The following ATP11A variants were observed in gnomAD, a reference collection of about 807,000 sequenced individuals.
The protein encoded by ATP11A is ATPase phospholipid transporting 11A, also known as phospholipid-transporting ATPase IH.
Under a neutral mutation model 154.4 loss-of-function variants are expected in ATP11A, and 81 were observed. The ratio of observed to expected loss-of-function variants is 0.52; its 90% CI spans 0.44 to 0.63. The LOEUF (loss-of-function observed/expected upper bound fraction) is 0.63, where lower values mean the gene tolerates loss of function less well. Among genes scored for constraint, ATP11A ranks in the 30% least tolerant of loss-of-function variants. The probability of loss-of-function intolerance (pLI) is 0.00; values close to 1 mark genes in which losing one functional copy is unlikely to be tolerated. For missense variants in ATP11A, 1,316 were observed against 1,474.3 expected, an observed-to-expected ratio of 0.89 and a Z score of 1.76; for synonymous variants, 623 against 585.9, an observed-to-expected ratio of 1.06 and a Z score of -0.91.
chr13:112,741,442 G>A (rs1891533849), intron 1 of ATP11A, among the ~76,000 whole-genome samples: 2 of 152,206 alleles, frequency 1.3e-5, no homozygotes, highest in Admixed American at 6.5e-5. Context: ...GGGCTGTGGG[G>A]CAGATGAACT....
intron 1 of ATP11A, among the ~76,000 whole-genome samples, chr13:112,711,108 A>AC (rs1311454614): frequency 2.0e-5 from 3 of 151,928 alleles, no homozygotes; most frequent in African/African-American, 4.8e-5. Context: ...ATCCCAGGGG[A>AC]CCCGTCCTGC....
At chr13:112,792,471 T>A (rs1427239872) in intron 2 of ATP11A, among the ~76,000 whole-genome samples, 1 of 152,240 alleles carries the variant, frequency 6.6e-6, no homozygotes, top group South Asian at 2.1e-4. Flanking sequence ...GTTAAGACTT[T>A]TTAAGTGCCA....
chr13:112,701,626 ATC>A (rs1886550327), intron 1 of ATP11A, among the ~76,000 whole-genome samples: 1 of 151,814 alleles, frequency 6.6e-6, no homozygotes, highest in African/African-American at 2.4e-5. Flanking sequence ...AGGTCGGGAG[ATC>A]GAGACCATCC....
At chr13:112,868,075 A>C (rs974402596) in intron 25 of ATP11A, among the ~76,000 whole-genome samples, 24 of 152,284 alleles carry the variant, frequency 1.6e-4, no homozygotes, top group African/African-American at 5.3e-4. Flanking sequence ...CGTAAGCCAT[A>C]GTAACTTCTC....
intron 12 of ATP11A, among the ~76,000 whole-genome samples, chr13:112,830,059 G>A (rs2079045340): frequency 6.6e-6 from 1 of 152,220 alleles, no homozygotes; most frequent in Admixed American, 6.5e-5. Flanking sequence ...TAATAACACA[G>A]TTGATGTGTT....
intron 14 of ATP11A, among the ~76,000 whole-genome samples, chr13:112,833,989 G>T (rs1332704672): frequency 1.3e-5 from 2 of 152,202 alleles, no homozygotes; most frequent in African/African-American, 2.4e-5. Flanking sequence ...CTGTCTCCCG[G>T]GTCCTCTGCT....
rs183144462 is a variant in ATP11A at position 112,772,879 on chromosome 13, C to T, written c.40-12256C>T. ...CTAGAGAAATTCCGCCTTGTCTTTT[C>T]TATTTTTGAGTTTGAATCATTCTGT... On this transcript the variant is annotated intron_variant, in intron 1 of 29. Transcript: ENST00000375645. Among the ~76,000 whole-genome samples the T allele has an allele frequency of 3.8e-3, 573 of 152,352 alleles. 3 individuals are homozygous for T. The highest frequency in any genetic ancestry group is 0.013 in the African/African-American group (542 of 41,592).
At chr13:112,830,584 TAAATAA>T (rs1255100501) in intron 12 of ATP11A, among the ~76,000 whole-genome samples, 3 of 152,082 alleles carry the variant, frequency 2.0e-5, no homozygotes, top group Non-Finnish European at 2.9e-5. Context: ...TCAAAAAAAA[TAAATAA>T]AAATAAAAAT....
chr13:112,797,747 A>G (rs1445823976), intron 2 of ATP11A, among the ~76,000 whole-genome samples: 1 of 152,264 alleles, frequency 6.6e-6, no homozygotes, highest in Non-Finnish European at 1.5e-5. Flanking sequence ...ATTCATTGCC[A>G]GTAGACCTCC....
At chr13:112,865,031 G>T (rs527806585) in intron 25 of ATP11A, among the ~76,000 whole-genome samples, 1 of 147,932 alleles carries the variant, frequency 6.8e-6, no homozygotes, top group Admixed American at 6.8e-5. Context: ...CACCACGTGC[G>T]CAATAATTCA....
chr13:112,820,943 A>G (rs140222584), intron 8 of ATP11A, among the ~76,000 whole-genome samples: 199 of 152,352 alleles, frequency 1.3e-3, no homozygotes, highest in African/African-American at 4.6e-3. Flanking sequence ...TCCAGGAGCT[A>G]CTGTTTTAAG....
chr13:112,862,443 C>T lies in ATP11A; in HGVS notation c.2859C>T (p.Asp953=), dbSNP rs751035008. The T allele has an allele frequency of 1.9e-6, 3 of 1,613,658 alleles. No homozygotes were observed. The highest frequency in any genetic ancestry group is 2.5e-6 in the Non-Finnish European group (3 of 1,179,972). ...VLKRDPTLYR[D]VAKNALLRWR... ...TGTGCACCTTTCTCCTCACCAGGGA[C>T]GTCGCCAAGAATGCCCTGCTGCGCT... Residue 953 remains aspartate (D), a synonymous_variant, in exon 25 of 30, where the codon GAC becomes GAT. Coordinates refer to ENST00000375645, the MANE Select transcript of ATP11A (RefSeq NM_015205.3).
Position 112,761,522 on chromosome 13 carries a change from A to G in ATP11A, c.40-23613A>G, listed in dbSNP as rs146458508. On this transcript the variant is annotated intron_variant, in intron 1 of 29. Coordinates refer to ENST00000375645, the MANE Select transcript of ATP11A (RefSeq NM_015205.3). ...TTCATAGGGAAAACATTGTGTCCAT[A>G]GGATTCGGTACTCTATTGGTTTCAG... Among the ~76,000 whole-genome samples the G allele has an allele frequency of 4.6e-5, 7 of 152,328 alleles. No individual in the cohort carries two copies. The East Asian group carries it at 1.4e-3, about 29-fold the overall frequency.
intron 2 of ATP11A, among the ~76,000 whole-genome samples, chr13:112,799,517 G>A (rs1246304191): frequency 6.6e-6 from 1 of 152,054 alleles, no homozygotes; most frequent in African/African-American, 2.4e-5. Context: ...CAAGGTGCAG[G>A]GTGGGGAGGT....
At chr13:112,805,111 A>G in intron 3 of ATP11A, 65 bp downstream of exon 3, 1 of 1,199,608 alleles carries the variant, frequency 8.3e-7, no homozygotes, top group Non-Finnish European at 1.2e-6. Context: ...TTTTATTCTC[A>G]GGTAACTGCC....
At chr13:112,827,410 C>T (rs2070999281) in intron 12 of ATP11A, among the ~76,000 whole-genome samples, 2 of 152,212 alleles carry the variant, frequency 1.3e-5, no homozygotes, top group East Asian at 1.9e-4. Context: ...CAGATGCTGG[C>T]CTTACAGGAT....
intron 6 of ATP11A, among the ~76,000 whole-genome samples, chr13:112,818,871 C>A (rs2078718584): frequency 6.6e-6 from 1 of 152,234 alleles, no homozygotes; most frequent in South Asian, 2.1e-4. Context: ...AAGGCCTGTG[C>A]CACCCAACAG....
At position 112,831,989 on chromosome 13, in the gene ATP11A, C is replaced by T. The variant is rs34729118; in HGVS notation, c.1395+441C>T. ...CACACATGCCCAGACACCGTGTGCACACACAGACACACATGCACACACGCT... is the reference window on the plus strand; with the variant it reads ...CACACATGCCCAGACACCGTGTGCATACACAGACACACATGCACACACGCT... On this transcript the variant is annotated intron_variant, in intron 13 of 29. Coordinates refer to ENST00000375645, the MANE Select transcript of ATP11A (RefSeq NM_015205.3). Among the ~76,000 whole-genome samples the T allele has an allele frequency of 2.9e-3, 437 of 151,780 alleles. 3 individuals are homozygous for T. Among genetic ancestry groups the T allele is most frequent in the African/African-American group, 9.2e-3 (382 of 41,406 alleles).
At chr13:112,870,441 T>C (rs2080478406) in intron 25 of ATP11A, among the ~76,000 whole-genome samples, 1 of 152,200 alleles carries the variant, frequency 6.6e-6, no homozygotes, top group Non-Finnish European at 1.5e-5. Context: ...TGTAGTGGCG[T>C]GATCTCTGCT....
Sources: gnomAD v4.1 joint callset for allele counts (sites outside exome capture counted in the v4.1 genomes callset) on GRCh38, gnomAD v4.1.1 for gene constraint, MANE v1.5 for transcripts, NCBI Gene and HGNC (gene_info 2026-07-23, HGNC 2026-07-21) for gene names.